The following CTNND2 variants were observed in gnomAD, a reference collection of about 807,000 sequenced individuals.
CTNND2 encodes catenin delta 2, also known as catenin delta-2.
Under a neutral mutation model 144.4 loss-of-function variants are expected in CTNND2, and 22 were observed. The ratio of observed to expected loss-of-function variants is 0.15; its 90% CI spans 0.11 to 0.22. CTNND2 has a LOEUF of 0.22. Ranked by LOEUF, CTNND2 falls within the 10% of genes least tolerant of loss-of-function variation. The pLI is 1.00. For synonymous variants in CTNND2, 751 were observed against 695.6 expected, an observed-to-expected ratio of 1.08 and a Z score of -1.25; for missense variants, 1,353 against 1,618.8, an observed-to-expected ratio of 0.84 and a Z score of 2.82.
intron 14 of CTNND2, among the ~76,000 whole-genome samples, chr5:11,109,900 AT>A (rs1752786238): frequency 1.3e-5 from 2 of 152,226 alleles, no homozygotes; most frequent in African/African-American, 4.8e-5. Context: ...CATATGACAT[AT>A]TATACAAAAC....
intron 18 of CTNND2, among the ~76,000 whole-genome samples, chr5:11,002,947 T>G (rs1740103535): frequency 6.6e-6 from 1 of 152,248 alleles, no homozygotes; most frequent in Non-Finnish European, 1.5e-5. Flanking sequence ...TTATTTCTAC[T>G]GGGGATATTA....
intron 10 of CTNND2, among the ~76,000 whole-genome samples, chr5:11,202,540 T>C (rs1262722364): frequency 6.6e-6 from 1 of 152,218 alleles, no homozygotes; most frequent in Non-Finnish European, 1.5e-5. Context: ...GTGAGAACCC[T>C]ACTTCTGTTT....
intron 11 of CTNND2, among the ~76,000 whole-genome samples, chr5:11,191,660 C>T (rs889097671): frequency 6.6e-5 from 10 of 152,164 alleles, no homozygotes; most frequent in Admixed American, 3.9e-4. Context: ...AGTGTGTGCA[C>T]GTACCCCCTG....
chr5:11,782,888 T>C (rs1790620912), intron 1 of CTNND2, among the ~76,000 whole-genome samples: 1 of 152,204 alleles, frequency 6.6e-6, no homozygotes, highest in African/African-American at 2.4e-5. Context: ...TGTTCACTGC[T>C]CAAGTTAGAG....
intron 9 of CTNND2, among the ~76,000 whole-genome samples, chr5:11,241,726 G>T (rs1198719440): frequency 6.6e-6 from 1 of 152,172 alleles, no homozygotes; most frequent in Non-Finnish European, 1.5e-5. Context: ...TGATCATGGA[G>T]ATATACCCCA....
At chr5:10,976,504 G>T (rs1156942205) in intron 21 of CTNND2, among the ~76,000 whole-genome samples, 4 of 152,222 alleles carry the variant, frequency 2.6e-5, no homozygotes, top group African/African-American at 9.6e-5. Context: ...ACGCAAGCCC[G>T]AAGCTTTTGC....
At chr5:11,814,391 A>G (rs1326019179) in intron 1 of CTNND2, among the ~76,000 whole-genome samples, 1 of 152,272 alleles carries the variant, frequency 6.6e-6, no homozygotes, top group Non-Finnish European at 1.5e-5. Flanking sequence ...TCAAGCCCAC[A>G]TGAGTGGGAT....
At chr5:11,197,764 T>C (rs1156316287) in intron 11 of CTNND2, among the ~76,000 whole-genome samples, 2 of 152,194 alleles carry the variant, frequency 1.3e-5, no homozygotes, top group African/African-American at 4.8e-5. Flanking sequence ...ATGTCATGTG[T>C]CAGGGGTATG....
chr5:11,228,844 G>C (rs904103660), intron 10 of CTNND2, among the ~76,000 whole-genome samples: 1 of 152,096 alleles, frequency 6.6e-6, no homozygotes, highest in Non-Finnish European at 1.5e-5. Context: ...CACAAAGCAA[G>C]CTATCAGTAC....
chr5:11,051,448 G>C (rs921575462), intron 16 of CTNND2, among the ~76,000 whole-genome samples: 3 of 152,230 alleles, frequency 2.0e-5, no homozygotes, highest in African/African-American at 7.2e-5. Context: ...AAGAGCTTTA[G>C]CTGCATTGTA....
At chr5:10,979,829 G>A (rs918614466) in intron 21 of CTNND2, among the ~76,000 whole-genome samples, 1 of 152,190 alleles carries the variant, frequency 6.6e-6, no homozygotes, top group African/African-American at 2.4e-5. Flanking sequence ...AATAAATGTT[G>A]TTGGGAAAAC....
intron 9 of CTNND2, among the ~76,000 whole-genome samples, chr5:11,281,118 C>T (rs59803527): frequency 5.9e-5 from 9 of 152,282 alleles, no homozygotes; most frequent in African/African-American, 1.7e-4. Flanking sequence ...AATATTATAT[C>T]AAACATTTTA....
intron 3 of CTNND2, among the ~76,000 whole-genome samples, chr5:11,421,662 T>G (rs533033454): frequency 9.9e-5 from 15 of 152,206 alleles, no homozygotes; most frequent in African/African-American, 3.1e-4. Context: ...GGTGTCTGCA[T>G]CTAAGCAGCC....
chr5:11,717,433 C>T (rs528235372), intron 2 of CTNND2, among the ~76,000 whole-genome samples: 17 of 151,172 alleles, frequency 1.1e-4, no homozygotes, highest in South Asian at 4.2e-4. Context: ...AAAAATTAGC[C>T]GGGCATGGTG....
intron 2 of CTNND2, among the ~76,000 whole-genome samples, chr5:11,692,221 C>G (rs1784941705): frequency 6.6e-6 from 1 of 152,164 alleles, no homozygotes; most frequent in African/African-American, 2.4e-5. Context: ...GGGCACATAA[C>G]TATTAGGGGT....
chr5:10,994,365 A>C (rs1312396220), intron 18 of CTNND2, among the ~76,000 whole-genome samples: 1 of 24,152 alleles, frequency 4.1e-5, no homozygotes, highest in Non-Finnish European at 7.8e-5. Flanking sequence ...GGGGCGGGGA[A>C]GGAGGAAGGG....
chr5:11,087,097 C>T (rs1006260422), intron 15 of CTNND2, among the ~76,000 whole-genome samples: 2 of 152,160 alleles, frequency 1.3e-5, no homozygotes, highest in Non-Finnish European at 2.9e-5. Flanking sequence ...CATTAATTTT[C>T]TTTATCAAAT....
chr5:11,770,262 T>G (rs2126823155), intron 1 of CTNND2, among the ~76,000 whole-genome samples: 1 of 152,156 alleles, frequency 6.6e-6, no homozygotes, highest in East Asian at 1.9e-4. Context: ...TATTTATGGG[T>G]TTTGATAGTA....
intron 2 of CTNND2, among the ~76,000 whole-genome samples, chr5:11,585,407 G>GA (rs1006540233): frequency 1.6e-4 from 24 of 151,846 alleles, no homozygotes; most frequent in African/African-American, 5.6e-4. Context: ...TTTGATGTTA[G>GA]AAAAAAATGT....
Sources: gnomAD v4.1 joint callset for allele counts (sites outside exome capture counted in the v4.1 genomes callset) on GRCh38, gnomAD v4.1.1 for gene constraint, MANE v1.5 for transcripts, NCBI Gene and HGNC (gene_info 2026-07-23, HGNC 2026-07-21) for gene names.